Variants in SVIL observed in about 807,000 individuals in gnomAD.
SVIL encodes supervillin, also known as archvillin.
In SVIL, 101 loss-of-function variants were observed where a neutral mutation model predicts 240.4. The ratio of observed to expected loss-of-function variants is 0.42; its 90% CI spans 0.36 to 0.50. The LOEUF (loss-of-function observed/expected upper bound fraction) is 0.50. Ranked by LOEUF, SVIL falls within the 20% of genes least tolerant of loss-of-function variation. SVIL has a pLI of 0.01. For missense variants in SVIL, 2,512 were observed against 2,818.7 expected, an observed-to-expected ratio of 0.89 and a Z score of 2.46; for synonymous variants, 999 against 1,100.0, an observed-to-expected ratio of 0.91 and a Z score of 1.82.
rs114178382 is a variant in SVIL at position 29,734,883 on chromosome 10, G to A, written c.-400+868C>T. On this transcript the variant is annotated intron_variant, in intron 1 of 35. Coordinates refer to the SVIL transcript ENST00000375400. ...TTATCACAACCTCGGGATGGGGCTGGGGATGGCGGACAGGAGCTCCTTTAA... is the reference window on the plus strand; with the variant it reads ...TTATCACAACCTCGGGATGGGGCTGAGGATGGCGGACAGGAGCTCCTTTAA... 1.6e-3 allele frequency among the ~76,000 whole-genome samples: 241 copies of A among 152,278 alleles called. 3 individuals are homozygous for A. Among genetic ancestry groups the A allele is most frequent in the African/African-American group, 5.2e-3 (217 of 41,554 alleles).
chr10:29,542,727 C>T (rs375444409), intron 6 of SVIL, among the ~76,000 whole-genome samples: 50 of 152,230 alleles, frequency 3.3e-4, no homozygotes, highest in African/African-American at 1.2e-3. Context: ...AGACTATAGT[C>T]GCCCTGTTGT....
At chr10:29,606,008 T>G (rs1414548177) in intron 1 of SVIL, among the ~76,000 whole-genome samples, 1 of 152,118 alleles carries the variant, frequency 6.6e-6, no homozygotes, top group African/African-American at 2.4e-5. Context: ...CCTCCTGGGT[T>G]CAAGCAGTTC....
chr10:29,486,015 C>G (rs1947356837), intron 26 of SVIL, 70 bp downstream of exon 26: 3 of 1,579,460 alleles, frequency 1.9e-6, no homozygotes, highest in Non-Finnish European at 2.6e-6. Flanking sequence ...ACTCTCTAAT[C>G]TATTGGGCAG....
intron 2 of SVIL, among the ~76,000 whole-genome samples, chr10:29,568,819 ATGTG>A (rs34450558): frequency 0.062 from 9,090 of 146,992 alleles, 341 homozygotes; most frequent in Admixed American, 0.12. Context: ...GGATGGATGG[ATGTG>A]TGTGTGTGTG....
At chr10:29,539,659 C>T (rs996966528) in intron 6 of SVIL, among the ~76,000 whole-genome samples, 13 of 152,166 alleles carry the variant, frequency 8.5e-5, no homozygotes, top group East Asian at 1.9e-4. Context: ...TCTACACTTT[C>T]GACACTCCCC....
chr10:29,496,628 G>A, intron 18 of SVIL: 2 of 260,538 alleles, frequency 7.7e-6, no homozygotes. Context: ...GGATCCTTAG[G>A]GAATGAATGG....
At chr10:29,600,202 G>A (rs576546775) in intron 1 of SVIL, among the ~76,000 whole-genome samples, 1 of 152,228 alleles carries the variant, frequency 6.6e-6, no homozygotes, top group East Asian at 1.9e-4. Flanking sequence ...ACCATGTCTG[G>A]CTGGATGAGC....
At chr10:29,556,575 C>A (rs1953956411) in intron 3 of SVIL, among the ~76,000 whole-genome samples, 1 of 152,022 alleles carries the variant, frequency 6.6e-6, no homozygotes. Flanking sequence ...GTTGAGATAG[C>A]CGGCTTCAAA....
chr10:29,486,271 T>C, intron 25 of SVIL, 41 bp from the exon 26 acceptor site: 1 of 1,607,256 alleles, frequency 6.2e-7, no homozygotes, highest in Non-Finnish European at 8.5e-7. Context: ...CATTTTACAT[T>C]GCAAAGTAGC....
intron 1 of SVIL, among the ~76,000 whole-genome samples, chr10:29,588,080 C>T (rs544301243): frequency 1.2e-4 from 18 of 151,808 alleles, no homozygotes; most frequent in Non-Finnish European, 2.2e-4. Context: ...CTTTTAGCCA[C>T]GGGGCCCCTT....
intron 2 of SVIL, among the ~76,000 whole-genome samples, chr10:29,678,577 C>T (rs556521964): frequency 6.6e-6 from 1 of 152,264 alleles, no homozygotes; most frequent in East Asian, 1.9e-4. Flanking sequence ...GGTTGGGGAC[C>T]CTGCTCTAGA....
chr10:29,671,287 C>T (rs113051977), intron 2 of SVIL, among the ~76,000 whole-genome samples: 7,596 of 152,234 alleles, frequency 0.05, 253 homozygotes, highest in Admixed American at 0.097. Flanking sequence ...CACGTAGCCC[C>T]GGGATAGATG....
intron 1 of SVIL, 39 bp from the exon 2 acceptor site, chr10:29,569,351 G>A (rs1311556908): frequency 2.1e-6 from 2 of 946,218 alleles, no homozygotes; most frequent in Non-Finnish European, 2.5e-6. Flanking sequence ...AAATAGTTAT[G>A]CAAATTGTTA....
At chr10:29,534,952 A>C in intron 7 of SVIL, among the ~76,000 whole-genome samples, 1 of 152,194 alleles carries the variant, frequency 6.6e-6, no homozygotes, top group East Asian at 1.9e-4. Context: ...TTAAAAAGCA[A>C]AGAGGGCTTT....
chr10:29,498,160 G>C (rs1361208860), intron 18 of SVIL, among the ~76,000 whole-genome samples: 1 of 148,206 alleles, frequency 6.7e-6, no homozygotes, highest in Non-Finnish European at 1.5e-5. Flanking sequence ...GTTCACGCCT[G>C]TAATCCCAGC....
intron 1 of SVIL, among the ~76,000 whole-genome samples, chr10:29,580,235 C>G (rs867619733): frequency 3.3e-5 from 5 of 152,028 alleles, no homozygotes; most frequent in Admixed American, 1.3e-4. Context: ...TTGTAATCAG[C>G]TGCTTGTGAG....
intron 3 of SVIL, among the ~76,000 whole-genome samples, chr10:29,556,368 T>C (rs1052785555): frequency 6.6e-6 from 1 of 152,180 alleles, no homozygotes; most frequent in Non-Finnish European, 1.5e-5. Context: ...GAATTTGATG[T>C]TTGACTGCTT....
In SVIL at chr10:29,523,739, G is replaced by T. The variant is rs749035602; in HGVS notation, c.2875C>A (p.Arg959=). Residue 959 remains arginine, a synonymous_variant, in exon 15 of 38, where the codon CGA becomes AGA. Coordinates refer to ENST00000355867, the MANE Select transcript of SVIL (RefSeq NM_021738.3). ...CCATACTTCTCCATCCCACTGTCTCGACCTGTCAAAGCTCTCTTGCTTTCT... is the reference window on the plus strand; with the variant it reads ...CCATACTTCTCCATCCCACTGTCTCTACCTGTCAAAGCTCTCTTGCTTTCT... The part of the protein sequence containing the change: ...ETESKRALTG[R]DSGMEKYGSF... 5 of 1,613,964 alleles carry T rather than the reference G, an allele frequency of 3.1e-6. No homozygotes were observed. The highest frequency in any genetic ancestry group is 3.4e-6 in the Non-Finnish European group (4 of 1,180,020).
Position 29,467,783 on chromosome 10 carries a change from A to G in SVIL, c.5936T>C (p.Leu1979Ser). The G allele has an allele frequency of 8.1e-6, 13 of 1,614,106 alleles. No homozygotes were observed. Among genetic ancestry groups the G allele is most frequent in the Non-Finnish European group, 1.1e-5 (13 of 1,180,006 alleles). The stretch of plus-strand genomic sequence containing the variant: ...GTAGGCTTTCCTGTCTCTCCTTCCT[A>G]AGGCATCCCAGAATCCGAGTGGCTC... ...GSEPLGFWDA[L>S]GRRDRKAYDC... The change falls in exon 33 of 38, where the codon TTA becomes TCA. Residue 1979 changes from leucine to serine, a missense_variant. Leu to Ser is a moderately radical substitution (Grantham distance 145). Around this residue, in one of 3 missense-constraint regions of SVIL, gnomAD observed 797 missense variants for 925.3 expected, o/e 0.86. Coordinates refer to ENST00000355867, the MANE Select transcript of SVIL (RefSeq NM_021738.3).
Sources: gnomAD v4.1 joint callset for allele counts (sites outside exome capture counted in the v4.1 genomes callset) on GRCh38, gnomAD v4.1.1 for gene constraint, gnomAD v4.1.1 regional missense constraint, MANE v1.5 for transcripts, NCBI Gene and HGNC (gene_info 2026-07-23, HGNC 2026-07-21) for gene names.